The following GOLGB1 variants were observed in gnomAD, a reference collection of about 807,000 sequenced individuals.
The protein encoded by GOLGB1 is golgin B1.
A neutral mutation model predicts 336.9 loss-of-function variants in GOLGB1; 174 were observed. That is an observed-to-expected ratio of 0.52 (90% CI 0.46 to 0.59). The LOEUF (loss-of-function observed/expected upper bound fraction) is 0.59, where lower values mean the gene tolerates loss of function less well. Ranked by LOEUF, GOLGB1 falls within the 20% of genes least tolerant of loss-of-function variation. The pLI is 0.00. For synonymous variants in GOLGB1, 1,208 were observed against 1,289.2 expected (o/e 0.94, Z 1.35); for missense variants, 3,331 against 3,645.3 (o/e 0.91, Z 2.22).
At chr3:121,682,133 C>G (rs1459273200) in intron 14 of GOLGB1, among the ~76,000 whole-genome samples, 3 of 152,222 alleles carry the variant, frequency 2.0e-5, no homozygotes, top group Admixed American at 2.0e-4. Flanking sequence ...CTCCTAAGGT[C>G]CTAAGTTCAC....
At position 121,697,782 on chromosome 3, in the gene GOLGB1, C is replaced by G. The variant is rs771349017; in HGVS notation, c.2741G>C (p.Ser914Thr). The G allele has an allele frequency of 1.2e-6, 2 of 1,613,924 alleles. No homozygotes were observed. Among genetic ancestry groups the G allele is most frequent in the African/African-American group, 2.7e-5 (2 of 74,914 alleles). ...AAGCTGAACCATTTTCTCAGTCATA[C>G]TAAAGCTGATTTCTGTCACTTGTTG... ...KDQQVTEISF[S>T]MTEKMVQLNE... The change falls in exon 13 of 22, where the codon AGT becomes ACT. Residue 914 changes from serine (S) to threonine (T), a missense_variant. By Grantham distance (58) the Ser-to-Thr change is moderately conservative (BLOSUM62 1). Coordinates refer to ENST00000614479, the MANE Select transcript of GOLGB1 (RefSeq NM_001366282.2).
intron 10 of GOLGB1, among the ~76,000 whole-genome samples, chr3:121,713,267 A>G (rs567718749): frequency 1.3e-5 from 2 of 152,320 alleles, no homozygotes; most frequent in East Asian, 3.9e-4. Flanking sequence ...CTCAACTAGT[A>G]TTTACTGAAG....
intron 1 of GOLGB1, among the ~76,000 whole-genome samples, chr3:121,734,944 T>C (rs1946379414): frequency 6.6e-6 from 1 of 152,224 alleles, no homozygotes; most frequent in Admixed American, 6.5e-5. Flanking sequence ...ATCCAAACAA[T>C]GGAATACTAC....
Position 121,698,776 on chromosome 3 carries a change from A to T in GOLGB1, c.1747T>A (p.Leu583Ile). 1 of 1,613,674 alleles carries T rather than the reference A, an allele frequency of 6.2e-7. No individual in the cohort carries two copies. The highest frequency in any genetic ancestry group is 1.3e-5 in the African/African-American group (1 of 74,990). Residue 583 changes from leucine to isoleucine, a missense_variant, in exon 13 of 22, where the codon TTA (leucine) becomes ATA (isoleucine). By Grantham distance (5) the Leu-to-Ile change is conservative. Coordinates refer to ENST00000614479, the MANE Select transcript of GOLGB1 (RefSeq NM_001366282.2). ...TCAGCCCTTTTTCCCTGGAGCTGTA[A>T]TTTAAGAAATGCAATTTCCTCTTGA... is the stretch of plus-strand genomic sequence containing the variant. Reference protein sequence around the residue: ...EAQEEIAFLKLQLQGKRAEEA... With the variant: ...EAQEEIAFLKIQLQGKRAEEA...
chr3:121,730,112 T>C (rs909556646), intron 2 of GOLGB1, 95 bp from the exon 3 acceptor site: 1 of 746,064 alleles, frequency 1.3e-6, no homozygotes, highest in Admixed American at 2.8e-5. Flanking sequence ...TTTTGCCCAA[T>C]TCATATTCTT....
chr3:121,683,081 T>TTTTTTTTTTTTTTTTC (rs1553856330), intron 14 of GOLGB1, among the ~76,000 whole-genome samples: 1 of 125,280 alleles, frequency 8.0e-6, no homozygotes, highest in Non-Finnish European at 1.7e-5. Flanking sequence ...TTTTTTTTTT[T>TTTTTTTTTTTTTTTTC]TGGAGAGACG....
intron 10 of GOLGB1, among the ~76,000 whole-genome samples, chr3:121,703,841 A>C (rs1943598227): frequency 6.6e-6 from 1 of 152,222 alleles, no homozygotes; most frequent in Non-Finnish European, 1.5e-5. Context: ...CAGATTTTGT[A>C]AGTAGCAAAC....
Position 121,679,264 on chromosome 3 carries a change from C to T in GOLGB1, c.8874-1814G>A, listed in dbSNP as rs112931489. Among the ~76,000 whole-genome samples, 17 of 152,158 alleles carry T rather than the reference C, an allele frequency of 1.1e-4. 1 individual carries two copies. Among genetic ancestry groups the T allele is most frequent in the South Asian group, 4.1e-4 (2 of 4,824 alleles). Reference sequence around the variant, plus strand: ...AAATATTCCAAAATCCAAAAAAATCCGCAATCCAAAACACTTCCAATCCCA... The same window carrying T: ...AAATATTCCAAAATCCAAAAAAATCTGCAATCCAAAACACTTCCAATCCCA... On this transcript the variant is annotated intron_variant, in intron 15 of 21. Coordinates refer to ENST00000614479, the MANE Select transcript of GOLGB1 (RefSeq NM_001366282.2).
Position 121,696,071 on chromosome 3 carries a change from T to A in GOLGB1, c.4452A>T (p.Gln1484His). 6.2e-7 allele frequency: 1 copy of A among 1,613,990 alleles called. No individual in the cohort carries two copies. Among genetic ancestry groups the A allele is most frequent in the Non-Finnish European group, 8.5e-7 (1 of 1,179,978 alleles). ...EEIGEESRAK[Q>H]QIQRKLQAAL... is the part of the protein sequence containing the mutation. The stretch of plus-strand genomic sequence containing the variant: ...CAGCTTGCAGTTTCCTTTGTATTTG[T>A]TGCTTTGCTCTACTTTCTTCTCCAA... The change falls in exon 13 of 22, where the codon CAA (glutamine) becomes CAT (histidine). Residue 1484 changes from glutamine to histidine, a missense_variant. Physicochemically the swap from Gln to His is conservative, Grantham distance 24 (BLOSUM62 0). Transcript: ENST00000614479.
In GOLGB1 at chr3:121,697,484, T is replaced by G; in HGVS notation, c.3039A>C (p.Arg1013Ser). ...CTAATTCTTCTTCCAATCTACTGACTCTTTGCAGAAGCTCCTTTCTGTTAA... is the reference window on the plus strand; with the variant it reads ...CTAATTCTTCTTCCAATCTACTGACGCTTTGCAGAAGCTCCTTTCTGTTAA... ...ALINRKELLQ[R>S]VSRLEEELAN... Residue 1013 changes from arginine to serine, a missense_variant, in exon 13 of 22, where the codon AGA (arginine) becomes AGC (serine). Coordinates refer to ENST00000614479, the MANE Select transcript of GOLGB1 (RefSeq NM_001366282.2). The G allele has an allele frequency of 6.2e-7, 1 of 1,611,580 alleles. No homozygotes were observed. Among genetic ancestry groups the G allele is most frequent in the Admixed American group, 1.7e-5 (1 of 59,474 alleles).
chr3:121,685,351 A>G (rs1941600795), intron 14 of GOLGB1, among the ~76,000 whole-genome samples: 1 of 152,086 alleles, frequency 6.6e-6, no homozygotes, highest in African/African-American at 2.4e-5. Flanking sequence ...CCTGGCCAAC[A>G]TGGTGAAACC....
At position 121,695,510 on chromosome 3, in the gene GOLGB1, T is replaced by C. The variant is rs1942859229; in HGVS notation, c.5013A>G (p.Glu1671=). ...TCATTTCCTCCATTTCTTGCTCAGC[T>C]TCCTGCAACTGCTTTTCTGTCTCCT... The part of the protein sequence containing the change: ...NKKETEKQLQ[E]AEQEMEEMKE... Residue 1671 remains glutamate, a synonymous_variant, in exon 13 of 22, where the codon GAA becomes GAG. Coordinates refer to ENST00000614479, the MANE Select transcript of GOLGB1 (RefSeq NM_001366282.2). The C allele has an allele frequency of 2.5e-6, 4 of 1,614,128 alleles. No individual in the cohort carries two copies. In the East Asian group the frequency reaches 8.9e-5, roughly 36 times the overall value.
At position 121,664,600 on chromosome 3, in the gene GOLGB1, A is replaced by G. The variant is rs1938329114; in HGVS notation, c.9675T>C (p.Val3225=). The G allele has an allele frequency of 6.2e-7, 1 of 1,613,946 alleles. No homozygotes were observed. Among genetic ancestry groups the G allele is most frequent in the Admixed American group, 1.7e-5 (1 of 60,010 alleles). ...GTGAACGCAGGACTCGCTTCCATCC[A>G]ACGCCACTCCGGGTCTGAAAGAAAA... is the stretch of plus-strand genomic sequence containing the variant. ...SNSCRRTRSG[V]GWKRVLRSLC... is the part of the protein sequence containing the mutation. The change falls in exon 22 of 22, where the codon GTT becomes GTC. Residue 3225 remains valine, a synonymous_variant. Coordinates refer to ENST00000614479, the MANE Select transcript of GOLGB1 (RefSeq NM_001366282.2).
At chr3:121,714,089 C>T (rs1167995015) in intron 10 of GOLGB1, among the ~76,000 whole-genome samples, 1 of 152,118 alleles carries the variant, frequency 6.6e-6, no homozygotes, top group Non-Finnish European at 1.5e-5. Context: ...AATGGGAGAA[C>T]AGAAGAGACT....
intron 17 of GOLGB1, among the ~76,000 whole-genome samples, chr3:121,670,603 G>A (rs1939370725): frequency 6.6e-6 from 1 of 152,064 alleles, no homozygotes; most frequent in Admixed American, 6.5e-5. Context: ...GTAGAGAAAG[G>A]ATTTCTGTCC....
At chr3:121,703,362 T>A (rs935234049) in intron 10 of GOLGB1, among the ~76,000 whole-genome samples, 2 of 152,246 alleles carry the variant, frequency 1.3e-5, no homozygotes, top group Non-Finnish European at 2.9e-5. Flanking sequence ...GTTTGCAGTA[T>A]GCAGGGCAAG....
rs576919909 is a variant in GOLGB1, at chr3:121,663,795, T to A, written c.*685A>T. On this transcript the variant is annotated 3_prime_UTR_variant, in exon 22 of 22. Coordinates refer to ENST00000614479, the MANE Select transcript of GOLGB1 (RefSeq NM_001366282.2). ...AGACTTGGGCCACTTAATACCTTAG[T>A]ATACATGTGATCAAGGGCAAAAGCA... 6.5e-6 allele frequency: 1 copy of A among 152,818 alleles called. No homozygotes were observed. Among genetic ancestry groups the A allele is most frequent in the Non-Finnish European group, 1.5e-5 (1 of 68,384 alleles). 9.5% of individuals were successfully genotyped at this position (152,818 alleles called of 1,614,324 possible). A position where few individuals can be genotyped will look rare whatever the true frequency, so the allele number is the denominator to read the frequency against.
At chr3:121,731,186 G>C (rs2108298354) in intron 1 of GOLGB1, among the ~76,000 whole-genome samples, 1 of 152,268 alleles carries the variant, frequency 6.6e-6, no homozygotes, top group African/African-American at 2.4e-5. Flanking sequence ...CAATTGTACA[G>C]AGGTTATCAC....
In GOLGB1 at chr3:121,697,027, C is replaced by T. The variant is rs1943008268; in HGVS notation, c.3496G>A (p.Glu1166Lys). Residue 1166 changes from glutamate (E) to lysine (K), a missense_variant, in exon 13 of 22, where the codon GAA becomes AAA. Transcript: ENST00000614479. ...AGGGCCAGTATCTTTTCTTCTAGTT[C>T]TGGTTTCCAGTGTTCACTACTACCT... ...CTGSSEHWKP[E>K]LEEKILALEK... 1.9e-6 allele frequency: 3 copies of T among 1,613,998 alleles called. No individual in the cohort carries two copies. In the East Asian group the frequency reaches 6.7e-5, roughly 36 times the overall value.
Sources: allele counts gnomAD v4.1 joint callset (sites outside exome capture counted in the v4.1 genomes callset), GRCh38; gene constraint gnomAD v4.1.1; transcripts MANE v1.5; gene names NCBI Gene and HGNC (gene_info 2026-07-23, HGNC 2026-07-21).